TNFSF4: variants seen among roughly 807,000 people sequenced by gnomAD.
TNFSF4 encodes TNF superfamily member 4, also known as tumor necrosis factor ligand superfamily member 4.
A neutral mutation model predicts 7.3 loss-of-function variants in TNFSF4; 4 were observed. That is an observed-to-expected ratio of 0.55 (90% CI 0.27 to 1.25). TNFSF4 has a LOEUF of 1.25. Ranked by LOEUF, TNFSF4 falls within the 50% of genes most tolerant of loss-of-function variation. The pLI is 0.12. For missense variants in TNFSF4, 181 were observed against 208.8 expected (o/e 0.87, Z 0.82); for synonymous variants, 76 against 83.7 (o/e 0.91, Z 0.50).
the TNFSF4 span, among the ~76,000 whole-genome samples, chr1:173,356,275 T>C: frequency 6.6e-6 from 1 of 152,194 alleles, no homozygotes; most frequent in African/African-American, 2.4e-5. Flanking sequence ...TTCTCTGTCC[T>C]GTGGTTATAA....
chr1:173,376,664 C>G, the TNFSF4 span, among the ~76,000 whole-genome samples: 1 of 152,210 alleles, frequency 6.6e-6, no homozygotes, highest in Non-Finnish European at 1.5e-5. Flanking sequence ...ACAGACCAAT[C>G]AGCACTCTGT....
chr1:173,220,243 TC>T, the TNFSF4 span, among the ~76,000 whole-genome samples: 6 of 152,120 alleles, frequency 3.9e-5, no homozygotes, highest in Non-Finnish European at 8.8e-5. Flanking sequence ...CTGAATTGGA[TC>T]TCAGGGCTCA....
chr1:173,419,217 C>T, the TNFSF4 span, among the ~76,000 whole-genome samples: 1 of 152,100 alleles, frequency 6.6e-6, no homozygotes, highest in Non-Finnish European at 1.5e-5. Context: ...TGGCGGGCAC[C>T]TGTAGTCCCA....
the TNFSF4 span, among the ~76,000 whole-genome samples, chr1:173,349,052 G>A: frequency 2.0e-5 from 3 of 151,698 alleles, no homozygotes; most frequent in Admixed American, 6.6e-5. Flanking sequence ...TTTTTTAGAC[G>A]GAGTCTCCCT....
the TNFSF4 span, among the ~76,000 whole-genome samples, chr1:173,319,170 G>A: frequency 4.6e-5 from 7 of 152,112 alleles, no homozygotes; most frequent in African/African-American, 9.7e-5. Flanking sequence ...AGGGGTACTC[G>A]CCATTACTGA....
At chr1:173,417,600 G>A in the TNFSF4 span, among the ~76,000 whole-genome samples, 118 of 152,310 alleles carry the variant, frequency 7.7e-4, 1 homozygote, top group East Asian at 0.017. Context: ...GAGTCCCATA[G>A]AGGGTGAGTA....
the TNFSF4 span, among the ~76,000 whole-genome samples, chr1:173,332,680 C>T: frequency 2.0e-5 from 3 of 151,892 alleles, no homozygotes; most frequent in African/African-American, 7.3e-5. Context: ...ATGGTGAAAT[C>T]CCATCTCTAC....
At chr1:173,395,347 G>A in the TNFSF4 span, among the ~76,000 whole-genome samples, 2 of 112,932 alleles carry the variant, frequency 1.8e-5, no homozygotes, top group African/African-American at 3.2e-5. Flanking sequence ...CCACTTATAA[G>A]CATCAAAAAA....
At chr1:173,398,335 C>T in the TNFSF4 span, among the ~76,000 whole-genome samples, 5 of 150,472 alleles carry the variant, frequency 3.3e-5, no homozygotes, top group African/African-American at 1.2e-4. Context: ...ATTGGTAAAA[C>T]ATTTGTGTGT....
chr1:173,349,000 G>C, the TNFSF4 span, among the ~76,000 whole-genome samples: 1 of 152,096 alleles, frequency 6.6e-6, no homozygotes, highest in Non-Finnish European at 1.5e-5. Context: ...TTCACTTTAA[G>C]TTTCCCTTGC....
downstream of TNFSF4, among the ~76,000 whole-genome samples, chr1:173,180,858 T>C (rs2101975043): frequency 6.6e-6 from 1 of 152,274 alleles, no homozygotes; most frequent in East Asian, 1.9e-4. Flanking sequence ...TAGCAACAAG[T>C]ATTTGGGAGA....
the TNFSF4 span, among the ~76,000 whole-genome samples, chr1:173,283,228 T>C: frequency 6.6e-6 from 1 of 152,154 alleles, no homozygotes; most frequent in Non-Finnish European, 1.5e-5. Flanking sequence ...AAACAGGCCT[T>C]TGAATGTATA....
chr1:173,175,552 C>A, the TNFSF4 span: 16 of 152,250 alleles, frequency 1.1e-4, no homozygotes, highest in African/African-American at 3.9e-4. Flanking sequence ...CTCCCTCATT[C>A]CTTCCCTGAT....
the TNFSF4 span, among the ~76,000 whole-genome samples, chr1:173,393,406 A>G: frequency 2.0e-5 from 3 of 152,158 alleles, no homozygotes; most frequent in African/African-American, 2.4e-5. Flanking sequence ...CTGCCTCACA[A>G]CTGTCTCCTT....
chr1:173,228,634 C>T, the TNFSF4 span, among the ~76,000 whole-genome samples: 1 of 152,148 alleles, frequency 6.6e-6, no homozygotes, highest in African/African-American at 2.4e-5. Flanking sequence ...TTTCTCCGAG[C>T]TAAAGGAGGA....
chr1:173,209,618 C>T (rs1223485427), upstream of TNFSF4, among the ~76,000 whole-genome samples: 1 of 152,132 alleles, frequency 6.6e-6, no homozygotes, highest in African/African-American at 2.4e-5. Flanking sequence ...GATCCTCCTG[C>T]CTCAGCCTCC....
At chr1:173,247,732 T>A in the TNFSF4 span, among the ~76,000 whole-genome samples, 1 of 152,194 alleles carries the variant, frequency 6.6e-6, no homozygotes, top group Admixed American at 6.5e-5. Flanking sequence ...TAAGTTTATT[T>A]GAAAACTTGA....
At chr1:173,374,109 C>T in the TNFSF4 span, among the ~76,000 whole-genome samples, 2 of 152,242 alleles carry the variant, frequency 1.3e-5, no homozygotes, top group African/African-American at 2.4e-5. Flanking sequence ...GTTAAAAATC[C>T]GAAATTCTCC....
chr1:173,357,145 A>T, the TNFSF4 span, among the ~76,000 whole-genome samples: 3 of 152,226 alleles, frequency 2.0e-5, no homozygotes, highest in Non-Finnish European at 2.9e-5. Flanking sequence ...GACTTTGGGC[A>T]TTCGATGATC....
Sources: gnomAD v4.1 joint callset for allele counts (sites outside exome capture counted in the v4.1 genomes callset) on GRCh38, gnomAD v4.1.1 for gene constraint, MANE v1.5 for transcripts, NCBI Gene and HGNC (gene_info 2026-07-23, HGNC 2026-07-21) for gene names.